Variants in RUNX2 observed in about 807,000 individuals in gnomAD.
RUNX2 encodes the protein RUNX family transcription factor 2, also known as runt-related transcription factor 2.
In RUNX2, 10 loss-of-function variants were observed where a neutral mutation model predicts 51.7. The ratio of observed to expected loss-of-function variants is 0.19; its 90% CI spans 0.12 to 0.33. The LOEUF is 0.33. Among genes scored for constraint, RUNX2 ranks in the 10% least tolerant of loss-of-function variants. The probability of loss-of-function intolerance (pLI) is 1.00; values close to 1 mark genes in which losing one functional copy is unlikely to be tolerated. For missense variants in RUNX2, 562 were observed against 691.3 expected, an observed-to-expected ratio of 0.81 and a Z score of 2.10; for synonymous variants, 276 against 273.6, an observed-to-expected ratio of 1.01 and a Z score of -0.09.
chr6:45,417,283 C>T (rs1798084084), intron 2 of RUNX2, among the ~76,000 whole-genome samples: 1 of 152,124 alleles, frequency 6.6e-6, no homozygotes, highest in Admixed American at 6.5e-5. Context: ...AGAGTTTCTT[C>T]ACTCTTCTTC....
At chr6:45,545,828 G>T (rs1802382748) in intron 8 of RUNX2, among the ~76,000 whole-genome samples, 1 of 152,186 alleles carries the variant, frequency 6.6e-6, no homozygotes, top group South Asian at 2.1e-4. Context: ...ATTTCCACAT[G>T]AAATGGTTTA....
At chr6:45,424,199 G>A (rs1798321608) in intron 3 of RUNX2, among the ~76,000 whole-genome samples, 1 of 152,172 alleles carries the variant, frequency 6.6e-6, no homozygotes, top group Non-Finnish European at 1.5e-5. Context: ...TGCTCCGCAG[G>A]TTGAGGTTTT....
At chr6:45,337,271 C>T (rs1178767176) in intron 2 of RUNX2, among the ~76,000 whole-genome samples, 2 of 151,624 alleles carry the variant, frequency 1.3e-5, no homozygotes, top group African/African-American at 4.8e-5. Context: ...CTTTCTTTAA[C>T]CATAAGACTG....
rs1802492982 is a variant in RUNX2, at chr6:45,549,181, A to T, written c.*1876A>T. ...ATCCAAACAAGGATCATCTAATGAC[A>T]CCACCAGGCCAATCCCTGCTCTCCT... On this transcript the variant is annotated 3_prime_UTR_variant, in exon 9 of 9. Coordinates refer to ENST00000647337, the MANE Select transcript of RUNX2 (RefSeq NM_001024630.4). The T allele has an allele frequency of 5.0e-6, 2 of 398,370 alleles. No homozygotes were observed. The highest frequency in any genetic ancestry group is 2.5e-4 in the South Asian group (2 of 7,854). The allele number at this position is 398,370 out of a possible 1,614,324, so 24.7% of individuals were successfully genotyped here.
intron 7 of RUNX2, among the ~76,000 whole-genome samples, chr6:45,540,351 G>A (rs1187337116): frequency 6.6e-6 from 1 of 152,140 alleles, no homozygotes; most frequent in East Asian, 1.9e-4. Context: ...CCCTTTTCAT[G>A]TGTGTTTTCA....
intron 5 of RUNX2, 25 bp downstream of exon 5, chr6:45,438,076 G>T (rs780718077): frequency 1.9e-5 from 27 of 1,392,970 alleles, no homozygotes; most frequent in Non-Finnish European, 2.6e-5. Flanking sequence ...TTTTATTGAA[G>T]AAAGTAATAG....
rs888634325 is a variant in RUNX2, at chr6:45,435,258, G to C, written c.581-2689G>C. On this transcript the variant is annotated intron_variant, in intron 4 of 8. Coordinates refer to ENST00000647337, the MANE Select transcript of RUNX2 (RefSeq NM_001024630.4). ...ACATGAGGCGTCACCCTGAATTTAG[G>C]GGAAGCATAGATGACTTTTAATATC... Among the ~76,000 whole-genome samples, 3 of 152,174 alleles carry C rather than the reference G, an allele frequency of 2.0e-5. No homozygotes were observed. The East Asian group carries it at 5.8e-4, about 29-fold the overall frequency.
chr6:45,427,796 T>A (rs976769085), intron 3 of RUNX2, among the ~76,000 whole-genome samples: 5 of 152,270 alleles, frequency 3.3e-5, no homozygotes, highest in South Asian at 4.1e-4. Context: ...TTGAGTTAAT[T>A]CTCCATTCCT....
intron 5 of RUNX2, among the ~76,000 whole-genome samples, chr6:45,484,632 G>A (rs1485392922): frequency 1.3e-5 from 2 of 152,162 alleles, no homozygotes; most frequent in East Asian, 1.9e-4. Flanking sequence ...ATGTACTTGA[G>A]TCTGGGTAAT....
intron 2 of RUNX2, among the ~76,000 whole-genome samples, chr6:45,335,894 C>A (rs1375858825): frequency 2.0e-5 from 3 of 151,246 alleles, no homozygotes. Flanking sequence ...TGCAGAAAAA[C>A]TTGCTACTGC....
chr6:45,422,489 CG>C, intron 2 of RUNX2, 103 bp from the exon 3 acceptor site: 1 of 481,110 alleles, frequency 2.1e-6, no homozygotes, highest in Non-Finnish European at 3.4e-6. Flanking sequence ...CCCCCCGTCT[CG>C]CCTTCACCCC....
At chr6:45,506,266 A>G (rs1209825420) in intron 6 of RUNX2, among the ~76,000 whole-genome samples, 1 of 152,020 alleles carries the variant, frequency 6.6e-6, no homozygotes, top group African/African-American at 2.4e-5. Context: ...GATCAATCAC[A>G]TCCTGTCTGT....
At chr6:45,477,636 C>T (rs1427580697) in intron 5 of RUNX2, among the ~76,000 whole-genome samples, 2 of 152,206 alleles carry the variant, frequency 1.3e-5, no homozygotes, top group African/African-American at 2.4e-5. Flanking sequence ...TACCTCTATT[C>T]TATGTCTCAC....
rs1324342493 is a variant in RUNX2 at position 45,548,586 on chromosome 6, T to G, written c.*1281T>G. 6.5e-6 allele frequency: 1 copy of G among 152,710 alleles called. No individual in the cohort carries two copies. The highest frequency in any genetic ancestry group is 1.9e-4 in the East Asian group (1 of 5,206). The allele number at this position is 152,710 out of a possible 1,614,324, so 9.5% of individuals were successfully genotyped here. On this transcript the variant is annotated 3_prime_UTR_variant, in exon 9 of 9. Transcript: ENST00000647337. ...TGGTTTTCTAATTTCTTTGGGGTAA[T>G]TATGACTCTTGTCATATTAAAAAGA...
chr6:45,510,948 G>T (rs1027596196), intron 6 of RUNX2, among the ~76,000 whole-genome samples: 8 of 152,120 alleles, frequency 5.3e-5, no homozygotes, highest in Admixed American at 3.3e-4. Context: ...GAAAGAAGAA[G>T]TCTCAGAACT....
intron 5 of RUNX2, among the ~76,000 whole-genome samples, chr6:45,455,172 G>A (rs1221082466): frequency 2.0e-5 from 3 of 152,194 alleles, no homozygotes; most frequent in Non-Finnish European, 2.9e-5. Context: ...TGGCCAGGCT[G>A]TTGGAAAGCT....
rs933645916 is a variant in RUNX2, at chr6:45,454,925, C to A, written c.685+16874C>A. ...GGTCAGGAGTTCGAGACCAGCCTTG[C>A]CAACATAGTGAAACCCCGTCTCTAC... On this transcript the variant is annotated intron_variant, in intron 5 of 8. Coordinates refer to ENST00000647337, the MANE Select transcript of RUNX2 (RefSeq NM_001024630.4). 2.7e-4 allele frequency among the ~76,000 whole-genome samples: 41 copies of A among 152,192 alleles called. 1 individual carries two copies. The highest frequency in any genetic ancestry group is 9.9e-4 in the African/African-American group (41 of 41,528).
chr6:45,459,757 C>A (rs1799420436), intron 5 of RUNX2, among the ~76,000 whole-genome samples: 2 of 152,078 alleles, frequency 1.3e-5, no homozygotes, highest in African/African-American at 4.8e-5. Flanking sequence ...GTGATAAGTA[C>A]TTTAAAGAAA....
chr6:45,460,368 T>C (rs1799438852), intron 5 of RUNX2, among the ~76,000 whole-genome samples: 1 of 152,116 alleles, frequency 6.6e-6, no homozygotes. Flanking sequence ...AGGACTGTCA[T>C]TGAGTTTGGC....
Sources: allele counts gnomAD v4.1 joint callset (sites outside exome capture counted in the v4.1 genomes callset), GRCh38; gene constraint gnomAD v4.1.1; transcripts MANE v1.5; gene names NCBI Gene and HGNC (gene_info 2026-07-23, HGNC 2026-07-21).